Variants in FBXL17 observed in about 807,000 individuals in gnomAD.
The protein encoded by FBXL17 is F-box and leucine rich repeat protein 17.
In FBXL17, 22 loss-of-function variants were observed where a neutral mutation model predicts 66.2. That is an observed-to-expected ratio of 0.33 (90% confidence interval 0.24 to 0.47). The LOEUF (loss-of-function observed/expected upper bound fraction) is 0.47, where lower values mean the gene tolerates loss of function less well. Ranked by LOEUF, FBXL17 falls within the 20% of genes least tolerant of loss-of-function variation. The pLI is 1.00. For missense variants in FBXL17, 878 were observed against 948.2 expected, an observed-to-expected ratio of 0.93 and a Z score of 0.97; for synonymous variants, 474 against 400.5, an observed-to-expected ratio of 1.18 and a Z score of -2.19.
intron 6 of FBXL17, among the ~76,000 whole-genome samples, chr5:108,070,773 A>C (rs901024381): frequency 6.6e-5 from 10 of 152,198 alleles, no homozygotes; most frequent in African/African-American, 2.2e-4. Flanking sequence ...TTTAAGGCTG[A>C]ATAGTTCGAG....
intron 7 of FBXL17, among the ~76,000 whole-genome samples, chr5:107,929,415 C>T (rs1024164759): frequency 5.3e-5 from 8 of 152,090 alleles, no homozygotes; most frequent in Admixed American, 3.3e-4. Flanking sequence ...TTTACTACTA[C>T]TTAGTGGGAA....
intron 6 of FBXL17, among the ~76,000 whole-genome samples, chr5:108,041,400 CTTTT>C (rs1561381327): frequency 6.6e-6 from 1 of 151,952 alleles, no homozygotes; most frequent in Non-Finnish European, 1.5e-5. Context: ...AGCAAATTGC[CTTTT>C]TGTTTTTTTG....
At chr5:108,078,644 C>A (rs1434722907) in intron 6 of FBXL17, among the ~76,000 whole-genome samples, 1 of 152,126 alleles carries the variant, frequency 6.6e-6, no homozygotes, top group Non-Finnish European at 1.5e-5. Flanking sequence ...CCGAGAGCTG[C>A]TATCTGTGAG....
chr5:108,039,720 G>A (rs1224684890), intron 6 of FBXL17, among the ~76,000 whole-genome samples: 1 of 152,002 alleles, frequency 6.6e-6, no homozygotes, highest in East Asian at 1.9e-4. Flanking sequence ...GGGGACAACA[G>A]CAAATTCACA....
chr5:108,109,737 G>A (rs1749956858), intron 6 of FBXL17, among the ~76,000 whole-genome samples: 1 of 151,908 alleles, frequency 6.6e-6, no homozygotes, highest in Non-Finnish European at 1.5e-5. Flanking sequence ...ACTGTACTAT[G>A]GGAATATTTA....
intron 7 of FBXL17, among the ~76,000 whole-genome samples, chr5:107,946,455 AATTATT>A (rs143145847): frequency 1.0e-4 from 14 of 140,322 alleles, no homozygotes; most frequent in South Asian, 2.4e-4. Context: ...CACACCTGCC[AATTATT>A]ATTATTATTA....
At chr5:108,210,001 T>C (rs1754296994) in intron 5 of FBXL17, among the ~76,000 whole-genome samples, 1 of 152,190 alleles carries the variant, frequency 6.6e-6, no homozygotes, top group Admixed American at 6.5e-5. Flanking sequence ...TTGTTACTGG[T>C]TTATTCAGGA....
chr5:108,140,056 T>C (rs1286455980), intron 6 of FBXL17, among the ~76,000 whole-genome samples: 3 of 152,164 alleles, frequency 2.0e-5, no homozygotes, highest in Non-Finnish European at 4.4e-5. Flanking sequence ...TCATTTTTTG[T>C]TTGTTTGTTT....
chr5:108,311,018 T>C (rs984751173), intron 4 of FBXL17, among the ~76,000 whole-genome samples: 3 of 152,108 alleles, frequency 2.0e-5, no homozygotes, highest in Non-Finnish European at 4.4e-5. Flanking sequence ...CAACAATTCA[T>C]GACCAATTCA....
intron 6 of FBXL17, among the ~76,000 whole-genome samples, chr5:108,027,531 A>G (rs963317033): frequency 6.6e-6 from 1 of 152,198 alleles, no homozygotes; most frequent in African/African-American, 2.4e-5. Flanking sequence ...TTAATTCAAG[A>G]ATGTTTCATT....
At chr5:107,924,649 T>C (rs1035742544) in intron 7 of FBXL17, among the ~76,000 whole-genome samples, 7 of 152,178 alleles carry the variant, frequency 4.6e-5, no homozygotes, top group African/African-American at 1.7e-4. Flanking sequence ...AGCATCTTTA[T>C]ACTCTACAGT....
At chr5:107,870,706 C>T (rs1748416586) in intron 8 of FBXL17, among the ~76,000 whole-genome samples, 1 of 151,922 alleles carries the variant, frequency 6.6e-6, no homozygotes, top group Non-Finnish European at 1.5e-5. Context: ...CTGCCTCAGC[C>T]TCCCAAGTAG....
intron 6 of FBXL17, among the ~76,000 whole-genome samples, chr5:108,183,676 T>C (rs1243761792): frequency 6.6e-6 from 1 of 152,164 alleles, no homozygotes; most frequent in African/African-American, 2.4e-5. Context: ...CCCTGAATAG[T>C]GCACATTGTA....
intron 7 of FBXL17, among the ~76,000 whole-genome samples, chr5:107,995,743 ATAAAT>A (rs3039989): frequency 0.12 from 18,084 of 152,116 alleles, 1,303 homozygotes; most frequent in East Asian, 0.2. Flanking sequence ...ATAACATTAA[ATAAAT>A]TAAATAAGTA....
At chr5:108,091,144 T>G (rs1175639431) in intron 6 of FBXL17, among the ~76,000 whole-genome samples, 2 of 152,218 alleles carry the variant, frequency 1.3e-5, no homozygotes, top group East Asian at 3.9e-4. Flanking sequence ...CACTTATCTG[T>G]GTGAATCAAA....
chr5:107,958,958 A>C (rs1488870021), intron 7 of FBXL17, among the ~76,000 whole-genome samples: 1 of 152,206 alleles, frequency 6.6e-6, no homozygotes, highest in East Asian at 1.9e-4. Context: ...AATGTCAAGT[A>C]TGGTCAAGGT....
chr5:108,125,243 A>G (rs1452861840), intron 6 of FBXL17, among the ~76,000 whole-genome samples: 1 of 152,114 alleles, frequency 6.6e-6, no homozygotes, highest in Non-Finnish European at 1.5e-5. Context: ...TAAACATTAT[A>G]CGCCTATATC....
intron 4 of FBXL17, among the ~76,000 whole-genome samples, chr5:108,322,478 A>G (rs1199004113): frequency 2.0e-5 from 3 of 151,992 alleles, no homozygotes; most frequent in African/African-American, 7.2e-5. Flanking sequence ...TTGTGTAAAT[A>G]CTAGCTACTC....
chr5:108,297,308 G>A (rs1758387973), intron 4 of FBXL17, among the ~76,000 whole-genome samples: 1 of 151,630 alleles, frequency 6.6e-6, no homozygotes, highest in African/African-American at 2.4e-5. Context: ...GAGAAGTACA[G>A]TCTTTAGACA....
Sources: allele counts gnomAD v4.1 joint callset (sites outside exome capture counted in the v4.1 genomes callset), GRCh38; gene constraint gnomAD v4.1.1; transcripts MANE v1.5; gene names NCBI Gene and HGNC (gene_info 2026-07-23, HGNC 2026-07-21).